The following CLNK variants were observed in gnomAD, a reference collection of about 807,000 sequenced individuals.
CLNK encodes cytokine dependent hematopoietic cell linker.
In CLNK, 74 loss-of-function variants were observed where a neutral mutation model predicts 68.6. The ratio of observed to expected loss-of-function variants is 1.08; its 90% CI spans 0.89 to 1.31. The LOEUF is 1.31. Ranked by LOEUF, CLNK falls within the 50% of genes most tolerant of loss-of-function variation. CLNK has a pLI of 0.00. For synonymous variants in CLNK, 198 were observed against 172.2 expected (o/e 1.15, Z -1.17); for missense variants, 553 against 515.3 (o/e 1.07, Z -0.71).
chr4:10,523,340 A>G (rs1718159271), intron 14 of CLNK, among the ~76,000 whole-genome samples: 1 of 152,218 alleles, frequency 6.6e-6, no homozygotes, highest in African/African-American at 2.4e-5. Flanking sequence ...TCACTGGGTC[A>G]TTAGATACAC....
At chr4:10,532,421 C>A in intron 11 of CLNK, 138 bp from the exon 12 acceptor site, 2 of 676,674 alleles carry the variant, frequency 3.0e-6, no homozygotes, top group Admixed American at 2.7e-5. Context: ...ATATTTATCA[C>A]TCTTCCATAA....
At chr4:10,540,649 C>T in intron 10 of CLNK, 45 bp from the exon 11 acceptor site, 8 of 1,343,778 alleles carry the variant, frequency 6.0e-6, no homozygotes, top group Non-Finnish European at 8.5e-6. Flanking sequence ...TTTGCTGCAG[C>T]AGTGATGCCT....
At chr4:10,578,853 T>G (rs554698827) in intron 4 of CLNK, among the ~76,000 whole-genome samples, 90 of 152,294 alleles carry the variant, frequency 5.9e-4, no homozygotes, top group African/African-American at 2.1e-3. Context: ...ATTACAGGTG[T>G]GCGCCACCAT....
At chr4:10,516,598 G>T (rs566510508) in intron 15 of CLNK, among the ~76,000 whole-genome samples, 1 of 149,752 alleles carries the variant, frequency 6.7e-6, no homozygotes, top group South Asian at 2.1e-4. Flanking sequence ...TGTTGCCCAG[G>T]CTGGAGTGCA....
intron 12 of CLNK, among the ~76,000 whole-genome samples, chr4:10,530,626 A>C (rs2286462): frequency 0.28 from 41,965 of 151,860 alleles, 5,811 homozygotes; most frequent in South Asian, 0.31. Flanking sequence ...CTGACCCCCC[A>C]TCTCCCAATT....
chr4:10,651,292 C>G (rs774409446), intron 2 of CLNK, among the ~76,000 whole-genome samples: 1 of 152,162 alleles, frequency 6.6e-6, no homozygotes, highest in Non-Finnish European at 1.5e-5. Flanking sequence ...AGACTTGGAA[C>G]CAACCCAAAT....
intron 6 of CLNK, among the ~76,000 whole-genome samples, chr4:10,565,341 C>G (rs1014388263): frequency 6.6e-6 from 1 of 152,210 alleles, no homozygotes; most frequent in African/African-American, 2.4e-5. Context: ...TCCAAATACA[C>G]TTCTATAGAT....
At chr4:10,643,731 C>T (rs1012471823) in intron 2 of CLNK, among the ~76,000 whole-genome samples, 3 of 152,232 alleles carry the variant, frequency 2.0e-5, no homozygotes, top group African/African-American at 7.2e-5. Context: ...AATACCAATT[C>T]AGTTGTAAAC....
chr4:10,620,782 GA>G (rs1357036731), intron 2 of CLNK, among the ~76,000 whole-genome samples: 1 of 152,056 alleles, frequency 6.6e-6, no homozygotes, highest in African/African-American at 2.4e-5. Context: ...TTTTACAGAT[GA>G]AGAAGCTGAG....
chr4:10,523,905 G>C (rs1391865762), intron 14 of CLNK: 1 of 369,028 alleles, frequency 2.7e-6, no homozygotes, highest in Non-Finnish European at 5.3e-6. Context: ...TGTGCCTATA[G>C]TTCCAGCTAC....
chr4:10,529,695 G>C lies in CLNK; in HGVS notation c.631-1601C>G, dbSNP rs934773063. On this transcript the variant is annotated intron_variant, in intron 12 of 18. Coordinates refer to ENST00000226951, the MANE Select transcript of CLNK (RefSeq NM_052964.4). Reference sequence around the variant, plus strand: ...AGTCTCCCCCAGGACTTTGAACCTGGCTGTTCAAAGTGCTCAATCGGATGC... The same window carrying C: ...AGTCTCCCCCAGGACTTTGAACCTGCCTGTTCAAAGTGCTCAATCGGATGC... Among the ~76,000 whole-genome samples the C allele has an allele frequency of 2.6e-5, 4 of 152,166 alleles. No individual in the cohort carries two copies. In the South Asian group the frequency reaches 6.2e-4, roughly 24 times the overall value.
the CLNK span, among the ~76,000 whole-genome samples, chr4:10,696,503 GA>G: frequency 2.0e-5 from 3 of 152,194 alleles, no homozygotes; most frequent in Non-Finnish European, 4.4e-5. Flanking sequence ...TAGGGGAGCT[GA>G]AACTCTGTGG....
rs1340379688 is a variant in CLNK at position 10,537,056 on chromosome 4, G to A, written c.602+3438C>T. ...GTCTGCATATTAGCTTCACCTGGGGGAGCCTTAAAAATTCTGATGCCCAGG... is the reference window on the plus strand; with the variant it reads ...GTCTGCATATTAGCTTCACCTGGGGAAGCCTTAAAAATTCTGATGCCCAGG... On this transcript the variant is annotated intron_variant, in intron 11 of 18. Transcript: ENST00000226951. 2.0e-5 allele frequency among the ~76,000 whole-genome samples: 3 copies of A among 152,324 alleles called. No individual in the cohort carries two copies. In the East Asian group the frequency reaches 5.8e-4, roughly 29 times the overall value.
intron 2 of CLNK, among the ~76,000 whole-genome samples, chr4:10,660,281 T>C (rs547051084): frequency 1.3e-5 from 2 of 152,308 alleles, no homozygotes; most frequent in East Asian, 3.9e-4. Flanking sequence ...TGGAAGACCA[T>C]AAAATATGGG....
chr4:10,518,513 A>G (rs531382746), intron 15 of CLNK, among the ~76,000 whole-genome samples: 58 of 152,350 alleles, frequency 3.8e-4, no homozygotes, highest in African/African-American at 1.3e-3. Flanking sequence ...AACAAACACT[A>G]AAAATGAAAA....
intron 18 of CLNK, among the ~76,000 whole-genome samples, 186 bp from the exon 19 acceptor site, chr4:10,490,799 C>T (rs1008356626): frequency 6.6e-6 from 1 of 152,130 alleles, no homozygotes; most frequent in Non-Finnish European, 1.5e-5. Context: ...TTGTTTTGCT[C>T]TGTCACCCAG....
rs559798329 is a variant in CLNK at position 10,511,070 on chromosome 4, T to G, written c.906+2394A>C. 3.9e-5 allele frequency among the ~76,000 whole-genome samples: 6 copies of G among 152,108 alleles called. No individual in the cohort carries two copies. The South Asian group carries it at 1.2e-3, about 31-fold the overall frequency. On this transcript the variant is annotated intron_variant, in intron 16 of 18. Transcript: ENST00000226951. Reference sequence around the variant, plus strand: ...TGGGAGGCTGAGGCAGGAGAATCACTTGAAGCCGGGAGGTGGGGCGGGGGT... The same window carrying G: ...TGGGAGGCTGAGGCAGGAGAATCACGTGAAGCCGGGAGGTGGGGCGGGGGT...
chr4:10,493,432 G>C lies in CLNK; in HGVS notation c.1141-2819C>G, dbSNP rs188455563. Among the ~76,000 whole-genome samples, 33 of 152,260 alleles carry C rather than the reference G, an allele frequency of 2.2e-4. 1 individual carries two copies. The highest frequency in any genetic ancestry group is 2.0e-3 in the Admixed American group (30 of 15,298). ...AAGATCGAGGCACTGGCAGATTCAG[G>C]GTCTGGAGAGGCCCATTTTCTTGCC... On this transcript the variant is annotated intron_variant, in intron 18 of 18. Transcript: ENST00000226951.
In CLNK at chr4:10,667,911, C is replaced by T. The variant is rs1403365529; in HGVS notation, c.-42G>A. 3 of 1,550,832 alleles carry T rather than the reference C, an allele frequency of 1.9e-6. No homozygotes were observed. The highest frequency in any genetic ancestry group is 1.2e-5 in the South Asian group (1 of 83,256). ...CGGGTAAGAGGGATCTTCAATTCAG[C>T]CTGTGGAAACAAAAGCAAACGCGTT... On this transcript the variant is annotated splice_region_variant and 5_prime_UTR_variant, in exon 2 of 19. Coordinates refer to ENST00000226951, the MANE Select transcript of CLNK (RefSeq NM_052964.4).
Sources: allele counts gnomAD v4.1 joint callset (sites outside exome capture counted in the v4.1 genomes callset), GRCh38; gene constraint gnomAD v4.1.1; transcripts MANE v1.5; gene names NCBI Gene and HGNC (gene_info 2026-07-23, HGNC 2026-07-21).